ARID4A: variants seen among roughly 807,000 people sequenced by gnomAD.
The protein encoded by ARID4A is AT-rich interactive domain-containing protein 4A.
Under a neutral mutation model 148.6 loss-of-function variants are expected in ARID4A, and 39 were observed. That is an observed-to-expected ratio of 0.26 (90% CI 0.20 to 0.34). The LOEUF (loss-of-function observed/expected upper bound fraction) is 0.34, where lower values mean the gene tolerates loss of function less well. Among genes scored for constraint, ARID4A ranks in the 10% least tolerant of loss-of-function variants. The pLI is 1.00. For missense variants in ARID4A, 1,265 were observed against 1,449.1 expected (o/e 0.87, Z 2.06); for synonymous variants, 475 against 481.2 (o/e 0.99, Z 0.17).
At position 58,304,971 on chromosome 14, in the gene ARID4A, C is replaced by A; in HGVS notation, c.145C>A (p.Gln49Lys). The A allele has an allele frequency of 6.2e-7, 1 of 1,607,590 alleles. No homozygotes were observed. Among genetic ancestry groups the A allele is most frequent in the South Asian group, 1.1e-5 (1 of 89,440 alleles). The change falls in exon 4 of 24, where the codon CAA becomes AAA. Residue 49 changes from glutamine (Q) to lysine (K), a missense_variant. By Grantham distance (53) the Gln-to-Lys change is moderately conservative. Around this residue, in one of 9 missense-constraint regions of ARID4A, gnomAD observed 59 missense variants for 49.8 expected, o/e 1.18. Transcript: ENST00000355431. Reference protein sequence around the residue: ...KVLLKQDNTTQLVQDDQVKGP... With the variant: ...KVLLKQDNTTKLVQDDQVKGP... ...ACTCCTGAAACAGGATAATACCACA[C>A]AATTGGTACAAGATGACCAAGTAAA... is the stretch of plus-strand genomic sequence containing the variant.
In ARID4A at chr14:58,372,506, G is replaced by T. The variant is rs2035655752; in HGVS notation, c.*517G>T. The T allele has an allele frequency of 4.5e-6, 1 of 221,130 alleles. No individual in the cohort carries two copies. The highest frequency in any genetic ancestry group is 6.7e-5 in the East Asian group (1 of 14,846). The allele number at this position is 221,130 out of a possible 1,614,324, so 13.7% of individuals were successfully genotyped here. A position where few individuals can be genotyped will look rare whatever the true frequency, so the allele number is the denominator to read the frequency against. ...GAACTGCCAAAGTATATGTTCAGCA[G>T]TGTGCCCAGGATTGAAGGTGTAAAT... On this transcript the variant is annotated 3_prime_UTR_variant, in exon 24 of 24. Transcript: ENST00000355431.
Position 58,361,052 on chromosome 14 carries a change from G to A in ARID4A, c.2080+10G>A. On this transcript the variant is annotated intron_variant, in intron 19 of 23. Transcript: ENST00000355431. Reference sequence around the variant, plus strand: ...AGTGAAGGAAAATCAGGTACCAGAAGTGCTCGCAGCAATATACCAGACAGC... The same window carrying A: ...AGTGAAGGAAAATCAGGTACCAGAAATGCTCGCAGCAATATACCAGACAGC... The A allele has an allele frequency of 6.2e-7, 1 of 1,612,700 alleles. No homozygotes were observed. The highest frequency in any genetic ancestry group is 1.3e-5 in the African/African-American group (1 of 74,980).
rs2035030661 is a variant in ARID4A at position 58,359,330 on chromosome 14, G to C, written c.1938+114G>C. On this transcript the variant is annotated intron_variant, in intron 18 of 23. Transcript: ENST00000355431. ...AGGTTTATACCAAGATTGAGAGCAA[G>C]GTATATAGACCTCCCATATACTCTC... 3 of 982,630 alleles carry C rather than the reference G, an allele frequency of 3.1e-6. No individual in the cohort carries two copies. The Admixed American group carries it at 9.4e-5, about 31-fold the overall frequency. 60.9% of individuals were successfully genotyped at this position (982,630 alleles called of 1,614,324 possible).
At position 58,318,633 on chromosome 14, in the gene ARID4A, C is replaced by G. The variant is rs755285071; in HGVS notation, c.354+12C>G. 6.2e-7 allele frequency: 1 copy of G among 1,613,924 alleles called. No homozygotes were observed. The highest frequency in any genetic ancestry group is 8.5e-7 in the Non-Finnish European group (1 of 1,179,880). On this transcript the variant is annotated intron_variant, in intron 6 of 23. Transcript: ENST00000355431. ...TTGCAGAGAGTGAGGTAGGGTGACA[C>G]GGATGGACGATTTGGATTGAACTAC...
At chr14:58,299,087 G>A (rs1016654911) in intron 1 of ARID4A, among the ~76,000 whole-genome samples, 2 of 152,208 alleles carry the variant, frequency 1.3e-5, no homozygotes, top group African/African-American at 4.8e-5. Context: ...ACCTCTCTGG[G>A]CTGTACAAAA....
chr14:58,372,211 A>T lies in ARID4A; in HGVS notation c.*222A>T. ...GGTTAAGCAGCCTGCCATATTTGTC[A>T]TAATTTTTCCTCTTTACTTTTGTTT... is the stretch of plus-strand genomic sequence containing the variant. On this transcript the variant is annotated 3_prime_UTR_variant, in exon 24 of 24. Transcript: ENST00000355431. 2.3e-6 allele frequency: 1 copy of T among 433,734 alleles called. No individual in the cohort carries two copies. Among genetic ancestry groups the T allele is most frequent in the Non-Finnish European group, 4.1e-6 (1 of 243,040 alleles). 26.9% of individuals were successfully genotyped at this position (433,734 alleles called of 1,614,324 possible). A position where few individuals can be genotyped will look rare whatever the true frequency, so the allele number is the denominator to read the frequency against.
At position 58,372,735 on chromosome 14, in the gene ARID4A, C is replaced by CA. The variant is rs1229990240; in HGVS notation, c.*747dup. 15 of 182,910 alleles carry CA rather than the reference C, an allele frequency of 8.2e-5. No homozygotes were observed. The highest frequency in any genetic ancestry group is 1.3e-4 in the Admixed American group (2 of 15,932). The allele number at this position is 182,910 out of a possible 1,614,324, so 11.3% of individuals were successfully genotyped here. A position where few individuals can be genotyped will look rare whatever the true frequency, so the allele number is the denominator to read the frequency against. On this transcript the variant is annotated 3_prime_UTR_variant, in exon 24 of 24. Coordinates refer to ENST00000355431, the MANE Select transcript of ARID4A (RefSeq NM_002892.4). ...ATTTTGTCTTTTTTCTATGTAATTT[C>CA]AGAGTTTTTATTTTGTTACAAAAAG...
rs532095855 is a variant in ARID4A at position 58,329,208 on chromosome 14, A to G, written c.663-320A>G. ...AAAAATAAATTTCACAAATAATAAAATAGACATTGTTGTCTACAAGTGTTG... is the reference window on the plus strand; with the variant it reads ...AAAAATAAATTTCACAAATAATAAAGTAGACATTGTTGTCTACAAGTGTTG... On this transcript the variant is annotated intron_variant, in intron 9 of 23. Transcript: ENST00000355431. Among the ~76,000 whole-genome samples, 303 of 152,316 alleles carry G rather than the reference A, an allele frequency of 2.0e-3. 1 individual carries two copies. The highest frequency in any genetic ancestry group is 3.4e-3 in the Middle Eastern group (1 of 294).
intron 15 of ARID4A, among the ~76,000 whole-genome samples, chr14:58,350,599 A>C (rs915637411): frequency 6.6e-6 from 1 of 152,212 alleles, no homozygotes; most frequent in Admixed American, 6.5e-5. Context: ...AAATACAGTG[A>C]CAATGTAAAT....
chr14:58,299,982 C>G (rs993031930), intron 2 of ARID4A, 122 bp downstream of exon 2: 3 of 1,399,974 alleles, frequency 2.1e-6, no homozygotes, highest in African/African-American at 1.4e-5. Flanking sequence ...TCAGCAGTTT[C>G]GGCATAGGAG....
intron 8 of ARID4A, among the ~76,000 whole-genome samples, chr14:58,324,177 A>G (rs2033088744): frequency 6.6e-6 from 1 of 152,194 alleles, no homozygotes; most frequent in African/African-American, 2.4e-5. Flanking sequence ...TTCTGAGATT[A>G]TAGGCGTGAG....
At chr14:58,349,032 T>C (rs974172553) in intron 15 of ARID4A, among the ~76,000 whole-genome samples, 1 of 152,198 alleles carries the variant, frequency 6.6e-6, no homozygotes, top group South Asian at 2.1e-4. Context: ...CCCCAACCCT[T>C]AGCAATCAAA....
At chr14:58,368,940 A>C (rs1383807920) in intron 23 of ARID4A, among the ~76,000 whole-genome samples, 5 of 152,238 alleles carry the variant, frequency 3.3e-5, no homozygotes, top group African/African-American at 1.2e-4. Flanking sequence ...ATTTGTATCC[A>C]GAGATAAAGG....
intron 11 of ARID4A, among the ~76,000 whole-genome samples, chr14:58,332,785 C>A (rs748638332): frequency 6.6e-6 from 1 of 152,016 alleles, no homozygotes; most frequent in Non-Finnish European, 1.5e-5. Context: ...CTATGCTTTT[C>A]GTGAAGATTC....
At chr14:58,347,912 GTAT>G (rs1300899841) in intron 15 of ARID4A, 34 bp downstream of exon 15, 1 of 1,464,392 alleles carries the variant, frequency 6.8e-7, no homozygotes, top group East Asian at 2.3e-5. Flanking sequence ...TCTGGTTTAA[GTAT>G]TATTTAAAAT....
intron 5 of ARID4A, among the ~76,000 whole-genome samples, chr14:58,311,884 TAG>T: frequency 7.9e-6 from 1 of 126,412 alleles, no homozygotes; most frequent in Admixed American, 1.1e-4. Context: ...AAACTCTTAT[TAG>T]AGAGTAGAGT....
At position 58,329,514 on chromosome 14, in the gene ARID4A, T is replaced by C. The variant is rs758350095; in HGVS notation, c.663-14T>C. The C allele has an allele frequency of 4.5e-6, 7 of 1,546,122 alleles. No homozygotes were observed. The highest frequency in any genetic ancestry group is 1.1e-5 in the South Asian group (1 of 89,248). The stretch of plus-strand genomic sequence containing the variant: ...TGAATAAATTGTTTTCCTCCCCTTC[T>C]TCTTGATAATTAGTTACTCTATAGC... On this transcript the variant is annotated splice_polypyrimidine_tract_variant and intron_variant, in intron 9 of 23. Coordinates refer to ENST00000355431, the MANE Select transcript of ARID4A (RefSeq NM_002892.4).
chr14:58,347,733 A>T lies in ARID4A; in HGVS notation c.1259A>T (p.Glu420Val). 1 of 1,612,412 alleles carries T rather than the reference A, an allele frequency of 6.2e-7. No homozygotes were observed. The highest frequency in any genetic ancestry group is 8.5e-7 in the Non-Finnish European group (1 of 1,178,762). ...CACCATGAACCAAAAGTAAAAGAGG[A>T]AAAAAAAGACTTAGAAGAATCAATG... ...VHHHEPKVKE[E>V]KKDLEESMEE... Residue 420 changes from glutamate (E) to valine (V), a missense_variant, in exon 15 of 24, where the codon GAA (glutamate) becomes GTA (valine). Glu to Val is a moderately radical substitution (Grantham distance 121). Around this residue, in one of 9 missense-constraint regions of ARID4A, gnomAD observed 205 missense variants for 196.9 expected, o/e 1.04. Transcript: ENST00000355431.
At chr14:58,354,416 C>T (rs1661016060) in intron 17 of ARID4A, among the ~76,000 whole-genome samples, 1 of 152,080 alleles carries the variant, frequency 6.6e-6, no homozygotes, top group Non-Finnish European at 1.5e-5. Context: ...GGCATGGGGG[C>T]TCTTGCATGT....
Sources: allele counts gnomAD v4.1 joint callset (sites outside exome capture counted in the v4.1 genomes callset), GRCh38; gene constraint gnomAD v4.1.1; regional missense constraint gnomAD v4.1.1; transcripts MANE v1.5; gene names NCBI Gene and HGNC (gene_info 2026-07-23, HGNC 2026-07-21).